WNK2: variants seen among roughly 807,000 people sequenced by gnomAD.
The protein encoded by WNK2 is WNK lysine deficient protein kinase 2, also known as serine/threonine-protein kinase WNK2.
In WNK2, 67 loss-of-function variants were observed where a neutral mutation model predicts 192.1. The ratio of observed to expected loss-of-function variants is 0.35; its 90% CI spans 0.29 to 0.43. The LOEUF (loss-of-function observed/expected upper bound fraction) is 0.43. WNK2 is among the 20% of genes least tolerant of loss of function. WNK2 has a pLI of 1.00. For synonymous variants in WNK2, 1,439 were observed against 1,393.9 expected (o/e 1.03, Z -0.72); for missense variants, 2,698 against 3,089.7 (o/e 0.87, Z 3.01).
intron 2 of WNK2, among the ~76,000 whole-genome samples, chr9:93,208,370 G>A (rs1489197584): frequency 6.6e-6 from 1 of 152,226 alleles, no homozygotes; most frequent in Admixed American, 6.5e-5. Flanking sequence ...TTGTCGCCAA[G>A]GCTGAAAGGG....
intron 28 of WNK2, among the ~76,000 whole-genome samples, chr9:93,311,667 C>T (rs958710936): frequency 2.8e-5 from 4 of 141,100 alleles, no homozygotes; most frequent in Non-Finnish European, 4.6e-5. Context: ...GCTCTTTTGC[C>T]CAGGCTGGAG....
Position 93,229,941 on chromosome 9 carries a change from C to G in WNK2, c.854+73C>G. 1 of 1,542,610 alleles carries G rather than the reference C, an allele frequency of 6.5e-7. No homozygotes were observed. The highest frequency in any genetic ancestry group is 1.2e-5 in the South Asian group (1 of 82,922). On this transcript the variant is annotated intron_variant, in intron 3 of 29. Transcript: ENST00000427277. This position sits in a 1 kb window ranked among gnomAD's most constrained non-coding sequence, Gnocchi z 4.9. ...GGGCTACCATAGCTGAGGGTGAGGT[C>G]TTGGGCTGCTGGGGTGGTCCTGGCT...
At chr9:93,226,986 G>A (rs1472755947) in intron 2 of WNK2, among the ~76,000 whole-genome samples, 1 of 152,160 alleles carries the variant, frequency 6.6e-6, no homozygotes, top group Admixed American at 6.5e-5. Flanking sequence ...CGGGAGGGGA[G>A]TGGCTGGACA....
At chr9:93,216,654 C>T (rs913454387) in intron 2 of WNK2, among the ~76,000 whole-genome samples, 9 of 151,530 alleles carry the variant, frequency 5.9e-5, no homozygotes, top group South Asian at 4.2e-4. Flanking sequence ...ATTAGCCAGG[C>T]GTGGTAGCGA....
chr9:93,227,670 A>G (rs539552285), intron 2 of WNK2, among the ~76,000 whole-genome samples: 7 of 152,084 alleles, frequency 4.6e-5, no homozygotes, highest in Non-Finnish European at 1.0e-4. Context: ...ACTTAAATAA[A>G]TAACCATTTT....
At chr9:93,317,757 G>A in intron 29 of WNK2, 126 bp downstream of exon 29, 1 of 1,470,570 alleles carries the variant, frequency 6.8e-7, no homozygotes. Flanking sequence ...GGGGGCACAG[G>A]GCAGCTGGAA....
chr9:93,255,854 T>A (rs1843206108), intron 9 of WNK2, among the ~76,000 whole-genome samples: 1 of 152,242 alleles, frequency 6.6e-6, no homozygotes, highest in Admixed American at 6.5e-5. Context: ...CCCATTCTTT[T>A]GAGGTCTGTG....
chr9:93,199,769 A>G (rs905426069), intron 2 of WNK2, among the ~76,000 whole-genome samples: 1 of 152,026 alleles, frequency 6.6e-6, no homozygotes, highest in African/African-American at 2.4e-5. Context: ...CCTGGTGGCA[A>G]GCACCTGTAG....
rs529047305 is a variant in WNK2 at position 93,299,978 on chromosome 9, G to A, written c.6116-73G>A. The stretch of plus-strand genomic sequence containing the variant: ...TGACGAGGCTGGTGTGGCTGTTGGT[G>A]TGGAGGAGGAATCGCAGCAACCTGT... On this transcript the variant is annotated intron_variant, in intron 25 of 29. Coordinates refer to ENST00000427277, the MANE Select transcript of WNK2 (RefSeq NM_006648.4). 8 of 1,265,212 alleles carry A rather than the reference G, an allele frequency of 6.3e-6. No individual in the cohort carries two copies. In the South Asian group the frequency reaches 8.7e-5, roughly 14 times the overall value. The allele number at this position is 1,265,212 out of a possible 1,614,324, so 78.4% of individuals were successfully genotyped here.
chr9:93,281,310 C>T (rs1382795150), intron 19 of WNK2, among the ~76,000 whole-genome samples: 1 of 152,000 alleles, frequency 6.6e-6, no homozygotes, highest in African/African-American at 2.4e-5. Context: ...CTAAGTTTGC[C>T]TACTGCATTA....
intron 4 of WNK2, 143 bp downstream of exon 4, chr9:93,231,251 G>T: frequency 2.5e-6 from 2 of 804,098 alleles, no homozygotes. Flanking sequence ...CTCGGGCCAG[G>T]GTGTCTGGGC....
At chr9:93,208,533 G>C (rs1833809787) in intron 2 of WNK2, among the ~76,000 whole-genome samples, 1 of 151,502 alleles carries the variant, frequency 6.6e-6, no homozygotes, top group Non-Finnish European at 1.5e-5. Context: ...TGTATTCTGT[G>C]TGTGTGCATG....
rs896889871 is a variant in WNK2 at position 93,261,945 on chromosome 9, G to C, written c.3198G>C (p.Leu1066=). Residue 1066 remains leucine (L), a synonymous_variant, in exon 13 of 30, where the codon CTG becomes CTC. Transcript: ENST00000427277. Reference sequence around the variant, plus strand: ...TGCTGCCTGCCGCCCCTGAGCTCCTGCCTCAGTTCCCCAGCTCCCTGGCCA... The same window carrying C: ...TGCTGCCTGCCGCCCCTGAGCTCCTCCCTCAGTTCCCCAGCTCCCTGGCCA... ...EVLLPAAPEL[L]PQFPSSLATV... 36 of 1,611,034 alleles carry C rather than the reference G, an allele frequency of 2.2e-5. No individual in the cohort carries two copies. Among genetic ancestry groups the C allele is most frequent in the Non-Finnish European group, 3.0e-5 (35 of 1,179,764 alleles).
chr9:93,222,927 C>G (rs1030779175), intron 2 of WNK2, among the ~76,000 whole-genome samples: 1 of 152,198 alleles, frequency 6.6e-6, no homozygotes, highest in African/African-American at 2.4e-5. Context: ...GGTGATCTGC[C>G]CGCGTCGGCC....
intron 19 of WNK2, among the ~76,000 whole-genome samples, chr9:93,271,933 T>G (rs1213154827): frequency 1.3e-5 from 2 of 152,246 alleles, no homozygotes; most frequent in Non-Finnish European, 1.5e-5. Flanking sequence ...TATAGATTTC[T>G]CGCCAGAAAG....
chr9:93,267,714 C>T lies in WNK2; in HGVS notation c.3697-32C>T. On this transcript the variant is annotated intron_variant, in intron 16 of 29. Transcript: ENST00000427277. ...ACCTAGGGTGGTCTTGGCCTTGCAG[C>T]TGGTCCTCACTGGCAGTATGTCCCT... is the stretch of plus-strand genomic sequence containing the variant. 4 of 1,531,908 alleles carry T rather than the reference C, an allele frequency of 2.6e-6. No individual in the cohort carries two copies. The Admixed American group carries it at 5.9e-5, about 22-fold the overall frequency. The allele number at this position is 1,531,908 out of a possible 1,614,324, so 94.9% of individuals were successfully genotyped here. A position where few individuals can be genotyped will look rare whatever the true frequency, so the allele number is the denominator to read the frequency against.
At chr9:93,246,496 T>C (rs544747368) in intron 7 of WNK2, among the ~76,000 whole-genome samples, 1 of 152,234 alleles carries the variant, frequency 6.6e-6, no homozygotes, top group Admixed American at 6.5e-5. Context: ...TGTTGTGCGC[T>C]TCACACCAAC....
At chr9:93,221,662 T>C (rs1242137855) in intron 2 of WNK2, among the ~76,000 whole-genome samples, 1 of 152,212 alleles carries the variant, frequency 6.6e-6, no homozygotes, top group East Asian at 1.9e-4. Context: ...AGTGATTCAG[T>C]TCTGAAGAAA....
chr9:93,247,639 T>A lies in WNK2; in HGVS notation c.1639T>A (p.Trp547Arg), dbSNP rs1379464782. Residue 547 changes from tryptophan (W) to arginine (R), a missense_variant, in exon 8 of 30, where the codon TGG becomes AGG. Transcript: ENST00000427277. The surrounding 1 kb of genome is among the most constrained non-coding windows in gnomAD (Gnocchi z 5.2). ...ALIQWRRERI[W>R]PALQPKEQQD... is the part of the protein sequence containing the mutation. ...GATCCAGTGGCGGCGGGAGAGGATC[T>A]GGCCCGCGCTGCAGCCCAAGGAGCA... 4 of 1,588,552 alleles carry A rather than the reference T, an allele frequency of 2.5e-6. No individual in the cohort carries two copies. In the South Asian group the frequency reaches 4.6e-5, roughly 18 times the overall value.
Sources: gnomAD v4.1 joint callset for allele counts (sites outside exome capture counted in the v4.1 genomes callset) on GRCh38, gnomAD v4.1.1 for gene constraint, Gnocchi (gnomAD v3.1) non-coding constraint, MANE v1.5 for transcripts, NCBI Gene and HGNC (gene_info 2026-07-23, HGNC 2026-07-21) for gene names.